The following ADGB variants were observed in gnomAD, a reference collection of about 807,000 sequenced individuals.
The protein encoded by ADGB is androglobin, also known as calpain-7-like protein.
ADGB carries 172 observed loss-of-function variants against 210.5 expected under a neutral mutation model. That is an observed-to-expected ratio of 0.82 (90% CI 0.72 to 0.93). The LOEUF is 0.93. ADGB is among the 40% of genes least tolerant of loss of function. The pLI is 0.00. For missense variants in ADGB, 2,025 were observed against 1,964.8 expected, an observed-to-expected ratio of 1.03 and a Z score of -0.58; for synonymous variants, 658 against 662.7, an observed-to-expected ratio of 0.99 and a Z score of 0.11.
At chr6:146,805,062 G>A (rs1396823300) in intron 35 of ADGB, among the ~76,000 whole-genome samples, 1 of 152,176 alleles carries the variant, frequency 6.6e-6, no homozygotes, top group African/African-American at 2.4e-5. Flanking sequence ...TCTCATTCTA[G>A]CTATGTGTCC....
At chr6:146,791,665 T>C (rs1344562464) in intron 33 of ADGB, among the ~76,000 whole-genome samples, 1 of 152,046 alleles carries the variant, frequency 6.6e-6, no homozygotes, top group African/African-American at 2.4e-5. Flanking sequence ...TAAGGGTCCA[T>C]TTTATTTCTT....
At position 146,654,293 on chromosome 6, in the gene ADGB, T is replaced by G. The variant is rs539627667; in HGVS notation, c.402+87T>G. The G allele has an allele frequency of 5.9e-4, 461 of 785,890 alleles. 2 individuals are homozygous for G. The highest frequency in any genetic ancestry group is 3.6e-3 in the Middle Eastern group (15 of 4,136). The allele number at this position is 785,890 out of a possible 1,614,324, so 48.7% of individuals were successfully genotyped here. On this transcript the variant is annotated intron_variant, in intron 4 of 35. Coordinates refer to ENST00000397944, the MANE Select transcript of ADGB (RefSeq NM_024694.4). ...ATTCCCAGACAGTCGATTTCAACTC[T>G]CCCTTGCTCACCTTTAAGTTTTGGT...
chr6:146,699,378 G>A (rs547953606), intron 12 of ADGB, among the ~76,000 whole-genome samples: 3 of 152,242 alleles, frequency 2.0e-5, no homozygotes, highest in East Asian at 1.9e-4. Context: ...CCCAGAGTCC[G>A]AAGGGCAGAA....
chr6:146,799,058 C>CAAAAAAA (rs71552962), intron 33 of ADGB, among the ~76,000 whole-genome samples: 31 of 63,438 alleles, frequency 4.9e-4, no homozygotes, highest in Admixed American at 6.3e-4. Flanking sequence ...TATGGAAATG[C>CAAAAAAA]AAAAAAAAAA....
intron 1 of ADGB, among the ~76,000 whole-genome samples, chr6:146,614,866 T>A (rs771912220): frequency 6.6e-6 from 1 of 152,138 alleles, no homozygotes; most frequent in African/African-American, 2.4e-5. Context: ...GCATGTCACA[T>A]GGCAAGAACA....
intron 31 of ADGB, 64 bp from the exon 32 acceptor site, chr6:146,785,546 T>C: frequency 8.0e-7 from 1 of 1,253,738 alleles, no homozygotes; most frequent in Non-Finnish European, 1.1e-6. Context: ...CATTAACATG[T>C]ATTACCTGTA....
chr6:146,780,199 C>T (rs189919639), intron 29 of ADGB, among the ~76,000 whole-genome samples: 128 of 150,724 alleles, frequency 8.5e-4, no homozygotes, highest in South Asian at 2.3e-3. Context: ...AATTATAATC[C>T]CCAAGCAACC....
intron 27 of ADGB, among the ~76,000 whole-genome samples, chr6:146,763,510 A>C (rs1777528799): frequency 6.6e-6 from 1 of 152,190 alleles, no homozygotes. Context: ...ATGATCTGTT[A>C]ATTAGAAAAT....
At chr6:146,740,802 T>A (rs190415693) in intron 24 of ADGB, among the ~76,000 whole-genome samples, 1,776 of 151,494 alleles carry the variant, frequency 0.012, 26 homozygotes, top group African/African-American at 0.041. Context: ...TAGTAATTAT[T>A]AGAAGCTTTT....
chr6:146,804,094 G>A (rs1778174572), intron 35 of ADGB, among the ~76,000 whole-genome samples: 1 of 152,070 alleles, frequency 6.6e-6, no homozygotes, highest in Admixed American at 6.5e-5. Flanking sequence ...AGAAGAATAG[G>A]TGTCCTTTAA....
At chr6:146,811,280 T>G (rs1340507632) in intron 35 of ADGB, among the ~76,000 whole-genome samples, 1 of 152,180 alleles carries the variant, frequency 6.6e-6, no homozygotes, top group Non-Finnish European at 1.5e-5. Flanking sequence ...TAATACAATG[T>G]GTCTTGCTTT....
intron 35 of ADGB, among the ~76,000 whole-genome samples, chr6:146,809,502 G>C (rs546901761): frequency 6.6e-6 from 1 of 151,862 alleles, no homozygotes; most frequent in Non-Finnish European, 1.5e-5. Flanking sequence ...CATGGCACCC[G>C]GCCAATTTCT....
At chr6:146,725,876 A>T in intron 18 of ADGB, 1 of 426,482 alleles carries the variant, frequency 2.3e-6, no homozygotes, top group Non-Finnish European at 4.2e-6. Flanking sequence ...TTTTTGTCCT[A>T]CATAATAAGT....
At chr6:146,669,330 C>A (rs534292500) in intron 7 of ADGB, among the ~76,000 whole-genome samples, 1 of 152,058 alleles carries the variant, frequency 6.6e-6, no homozygotes, top group South Asian at 2.1e-4. Context: ...GTCACCAGTT[C>A]ATTTCCCTTG....
chr6:146,804,161 T>C (rs893329837), intron 35 of ADGB, among the ~76,000 whole-genome samples: 4 of 152,148 alleles, frequency 2.6e-5, no homozygotes, highest in Non-Finnish European at 5.9e-5. Flanking sequence ...CTATACTTTA[T>C]TGAAAATGGG....
chr6:146,760,327 C>G (rs1777466865), intron 27 of ADGB, among the ~76,000 whole-genome samples: 2 of 151,810 alleles, frequency 1.3e-5, no homozygotes, highest in African/African-American at 2.4e-5. Context: ...TTTGCCTGTT[C>G]TAGAACTTCA....
At chr6:146,814,578 C>G (rs991915103) in intron 35 of ADGB, among the ~76,000 whole-genome samples, 64 of 152,276 alleles carry the variant, frequency 4.2e-4, no homozygotes, top group African/African-American at 1.5e-3. Flanking sequence ...GTCAAGCTGA[C>G]AAGAGCAAAG....
intron 13 of ADGB, among the ~76,000 whole-genome samples, chr6:146,710,096 C>G (rs1040239616): frequency 7.3e-5 from 11 of 150,312 alleles, no homozygotes; most frequent in Admixed American, 1.3e-4. Context: ...TTCCTTAAGC[C>G]AGATATAGAA....
chr6:146,769,028 G>T lies in ADGB; in HGVS notation c.3759G>T (p.Lys1253Asn). The T allele has an allele frequency of 6.8e-7, 1 of 1,472,092 alleles. No homozygotes were observed. Among genetic ancestry groups the T allele is most frequent in the Non-Finnish European group, 9.2e-7 (1 of 1,088,912 alleles). 91.2% of individuals were successfully genotyped at this position (1,472,092 alleles called of 1,614,324 possible). A position where few individuals can be genotyped will look rare whatever the true frequency, so the allele number is the denominator to read the frequency against. ...TGCATTTTATTTCACAGAATTACAA[G>T]TATATTATACAGTGTTCGGTGTTGT... ...DSSSTPLQNYKYIIQCSVLYN... is the reference protein window; with the variant it reads ...DSSSTPLQNYNYIIQCSVLYN... Residue 1253 changes from lysine to asparagine, a missense_variant, in exon 29 of 36, where the codon AAG becomes AAT. Coordinates refer to ENST00000397944, the MANE Select transcript of ADGB (RefSeq NM_024694.4).
Sources: gnomAD v4.1 joint callset for allele counts (sites outside exome capture counted in the v4.1 genomes callset) on GRCh38, gnomAD v4.1.1 for gene constraint, MANE v1.5 for transcripts, NCBI Gene and HGNC (gene_info 2026-07-23, HGNC 2026-07-21) for gene names.